Variants in TGFB1 observed in about 807,000 individuals in gnomAD.
TGFB1 encodes the protein transforming growth factor beta 1, also known as transforming growth factor beta-1 proprotein.
Under a neutral mutation model 43.8 loss-of-function variants are expected in TGFB1, and 19 were observed. The observed-to-expected ratio is 0.43, with a 90% CI of 0.30 to 0.64. The LOEUF (loss-of-function observed/expected upper bound fraction) is 0.64. Ranked by LOEUF, TGFB1 falls within the 30% of genes least tolerant of loss-of-function variation. The pLI, the probability that TGFB1 is intolerant of heterozygous loss-of-function variation, is 0.11. For missense variants in TGFB1, 445 were observed against 529.8 expected (o/e 0.84, Z 1.57); for synonymous variants, 221 against 236.3 (o/e 0.94, Z 0.60).
rs969149094 is a variant in TGFB1, at chr19:41,330,739, A to G, written c.*313T>C. ...ACTTCAACAGTGCCCAAGGTGCTCA[A>G]TAAATAGATCTAACTACAGTAGTGT... On this transcript the variant is annotated 3_prime_UTR_variant, in exon 7 of 7. Coordinates refer to ENST00000221930, the MANE Select transcript of TGFB1 (RefSeq NM_000660.7). 8 of 323,980 alleles carry G rather than the reference A, an allele frequency of 2.5e-5. No homozygotes were observed. In the South Asian group the frequency reaches 3.1e-4, roughly 12 times the overall value. The allele number at this position is 323,980 out of a possible 1,614,324, so 20.1% of individuals were successfully genotyped here. A position where few individuals can be genotyped will look rare whatever the true frequency, so the allele number is the denominator to read the frequency against.
At position 41,330,768 on chromosome 19, in the gene TGFB1, C is replaced by T. The variant is rs925454788; in HGVS notation, c.*284G>A. On this transcript the variant is annotated 3_prime_UTR_variant, in exon 7 of 7. Transcript: ENST00000221930. ...ATAGATCTAACTACAGTAGTGTTCC[C>T]CACTGGTCCCCTGTGCCTTGATGCC... is the stretch of plus-strand genomic sequence containing the variant. 16 of 432,688 alleles carry T rather than the reference C, an allele frequency of 3.7e-5. No individual in the cohort carries two copies. The highest frequency in any genetic ancestry group is 3.4e-4 in the African/African-American group (16 of 47,192). 26.8% of individuals were successfully genotyped at this position (432,688 alleles called of 1,614,324 possible). A position where few individuals can be genotyped will look rare whatever the true frequency, so the allele number is the denominator to read the frequency against.
At chr19:41,348,544 C>T (rs2038144500) in intron 1 of TGFB1, 89 bp from the exon 2 acceptor site, 2 of 1,337,276 alleles carry the variant, frequency 1.5e-6, no homozygotes, top group Admixed American at 1.7e-5. Context: ...TTGGAGCTGA[C>T]AGCTCTGGGG....
At chr19:41,332,106 T>G (rs201517398) in intron 6 of TGFB1, 22 bp downstream of exon 6, 2 of 1,605,440 alleles carry the variant, frequency 1.2e-6, no homozygotes, top group Non-Finnish European at 1.7e-6. Flanking sequence ...GCGCATCTCG[T>G]AGCCCGGTGG....
In TGFB1 at chr19:41,353,016, G is replaced by A. The variant is rs1800470; in HGVS notation, c.29C>T (p.Pro10Leu). The change falls in exon 1 of 7, where the codon CCG becomes CTG. Residue 10 changes from proline (P) to leucine (L), a missense_variant. Coordinates refer to ENST00000221930, the MANE Select transcript of TGFB1 (RefSeq NM_000660.7). This position sits in a 1 kb window ranked among gnomAD's most constrained non-coding sequence, Gnocchi z 5.9. The stretch of plus-strand genomic sequence containing the variant: ...TAGCCACAGCAGCGGTAGCAGCAGC[G>A]GCAGCAGCCGCAGCCCGGAGGGCGG... MPPSGLRLL[P>L]LLLPLLWLLV... is the part of the protein sequence containing the mutation. 0.6 allele frequency: 923,501 copies of A among 1,527,994 alleles called. 280,580 individuals carry two copies. The highest frequency in any genetic ancestry group is 0.62 in the Non-Finnish European group (708,025 of 1,140,240). 94.7% of individuals were successfully genotyped at this position (1,527,994 alleles called of 1,614,324 possible). A position where few individuals can be genotyped will look rare whatever the true frequency, so the allele number is the denominator to read the frequency against.
chr19:41,351,802 A>G (rs2038199985), intron 1 of TGFB1, among the ~76,000 whole-genome samples: 1 of 37,546 alleles, frequency 2.7e-5, no homozygotes, highest in Admixed American at 1.9e-4. Context: ...TCCTGCGGGG[A>G]ATGCAGCGTG....
intron 6 of TGFB1, 152 bp from the exon 7 acceptor site, chr19:41,331,362 T>C: frequency 1.1e-6 from 1 of 940,056 alleles, no homozygotes; most frequent in South Asian, 1.8e-5. Flanking sequence ...GTCTCTCTTA[T>C]CTTCTAACAT....
chr19:41,346,450 A>C (rs1249319348), intron 2 of TGFB1, among the ~76,000 whole-genome samples: 1 of 152,204 alleles, frequency 6.6e-6, no homozygotes, highest in Admixed American at 6.5e-5. Context: ...AAGCCAAGCT[A>C]ACATAGGACA....
At chr19:41,333,500 A>G (rs1480454155) in intron 5 of TGFB1, among the ~76,000 whole-genome samples, 2 of 152,094 alleles carry the variant, frequency 1.3e-5, no homozygotes, top group African/African-American at 4.8e-5. Context: ...GACCTGAGCC[A>G]CTGCATCTGG....
intron 1 of TGFB1, among the ~76,000 whole-genome samples, chr19:41,349,995 C>G (rs2038164777): frequency 6.6e-6 from 1 of 151,796 alleles, no homozygotes; most frequent in African/African-American, 2.4e-5. Context: ...TTTTCTTCCC[C>G]CAAGAGACAG....
chr19:41,353,288 T>C lies in TGFB1; in HGVS notation c.-244A>G, dbSNP rs1266915319. 4.0e-6 allele frequency: 2 copies of C among 497,702 alleles called. No individual in the cohort carries two copies. The highest frequency in any genetic ancestry group is 7.0e-6 in the Non-Finnish European group (2 of 284,910). The allele number at this position is 497,702 out of a possible 1,614,324, so 30.8% of individuals were successfully genotyped here. A position where few individuals can be genotyped will look rare whatever the true frequency, so the allele number is the denominator to read the frequency against. ...GTACCAGAAGGTGGGTGGTCTTGAA[T>C]AGGGGATCTGTGGCAGGTCGGAGAG... On this transcript the variant is annotated 5_prime_UTR_variant, in exon 1 of 7. Transcript: ENST00000221930. The surrounding 1 kb of genome is among the most constrained non-coding windows in gnomAD (Gnocchi z 5.9).
intron 5 of TGFB1, among the ~76,000 whole-genome samples, chr19:41,338,653 A>G (rs1273877312): frequency 6.6e-6 from 1 of 151,996 alleles, no homozygotes; most frequent in Non-Finnish European, 1.5e-5. Context: ...AGCCTGGGCA[A>G]TACGGTGAAA....
At chr19:41,339,872 C>G (rs2038034906) in intron 5 of TGFB1, among the ~76,000 whole-genome samples, 1 of 152,074 alleles carries the variant, frequency 6.6e-6, no homozygotes, top group African/African-American at 2.4e-5. Flanking sequence ...GCTGATGGCG[C>G]TAAGATCTGG....
At chr19:41,335,580 A>G (rs988376791) in intron 5 of TGFB1, among the ~76,000 whole-genome samples, 2 of 152,188 alleles carry the variant, frequency 1.3e-5, no homozygotes, top group African/African-American at 4.8e-5. Flanking sequence ...CGTGTTGAAC[A>G]AGCCGTCTAG....
chr19:41,339,464 C>T (rs1316569749), intron 5 of TGFB1, among the ~76,000 whole-genome samples: 1 of 151,890 alleles, frequency 6.6e-6, no homozygotes, highest in African/African-American at 2.4e-5. Context: ...ACATTGGGTC[C>T]CTCCCTACGG....
rs374698583 is a variant in TGFB1 at position 41,348,359 on chromosome 19, G to A, written c.452C>T (p.Ser151Phe). The change falls in exon 2 of 7, where the codon TCC (serine) becomes TTC (phenylalanine). Residue 151 changes from serine to phenylalanine, a missense_variant. By Grantham distance (155) the Ser-to-Phe change is radical. Transcript: ENST00000221930. ...CCTCAGCAGACGCAGCTCTGCCCGG[G>A]AGAGCAACACGGGTTCAGGTACCGC... The part of the protein sequence containing the change: ...REAVPEPVLL[S>F]RAELRLLRLK... 6.8e-6 allele frequency: 11 copies of A among 1,613,532 alleles called. No individual in the cohort carries two copies. The African/African-American group carries it at 9.4e-5, about 14-fold the overall frequency.
chr19:41,336,585 T>G lies in TGFB1; in HGVS notation c.861-4304A>C, dbSNP rs11466346. Among the ~76,000 whole-genome samples the G allele has an allele frequency of 8.0e-3, 1,215 of 152,066 alleles. 5 individuals carry two copies. The highest frequency in any genetic ancestry group is 0.014 in the Non-Finnish European group (965 of 67,974). ...ATTTTTTTTTTTGGGAGATGGGGTT[T>G]CACCATATTGCCCAGGCTGGTCTCC... On this transcript the variant is annotated intron_variant, in intron 5 of 6. Coordinates refer to ENST00000221930, the MANE Select transcript of TGFB1 (RefSeq NM_000660.7).
chr19:41,347,053 C>T (rs1008893891), intron 2 of TGFB1, among the ~76,000 whole-genome samples: 4 of 151,820 alleles, frequency 2.6e-5, no homozygotes, highest in East Asian at 1.9e-4. Context: ...GAGACGGTCT[C>T]GCTCCATCAC....
At chr19:41,341,496 CCTGATCCCAACATTACAAGA>C (rs1405886418) in intron 5 of TGFB1, among the ~76,000 whole-genome samples, 19 of 86,722 alleles carry the variant, frequency 2.2e-4, no homozygotes, top group African/African-American at 7.7e-4. Flanking sequence ...AAAAAAGGAA[CCTGATCCCAACATTACAAGA>C]CTCCCAGTTC....
At chr19:41,346,433 C>A (rs753427186) in intron 2 of TGFB1, among the ~76,000 whole-genome samples, 1 of 152,212 alleles carries the variant, frequency 6.6e-6, no homozygotes, top group South Asian at 2.1e-4. Flanking sequence ...ATTCCCCAGA[C>A]TCCAAGAAGC....
Sources: allele counts gnomAD v4.1 joint callset (sites outside exome capture counted in the v4.1 genomes callset), GRCh38; gene constraint gnomAD v4.1.1; non-coding constraint Gnocchi (gnomAD v3.1); transcripts MANE v1.5; gene names NCBI Gene and HGNC (gene_info 2026-07-23, HGNC 2026-07-21).